Variants in NCOR1 observed in about 807,000 individuals in gnomAD.
NCOR1 encodes the protein nuclear receptor corepressor 1, also known as protein phosphatase 1, regulatory subunit 109.
Under a neutral mutation model 288.1 loss-of-function variants are expected in NCOR1, and 63 were observed. That is an observed-to-expected ratio of 0.22 (90% CI 0.18 to 0.27). The LOEUF is 0.27. Among genes scored for constraint, NCOR1 ranks in the 10% least tolerant of loss-of-function variants. NCOR1 has a pLI of 1.00. For missense variants in NCOR1, 2,397 were observed against 3,019.2 expected, an observed-to-expected ratio of 0.79 and a Z score of 4.83; for synonymous variants, 1,007 against 1,065.9, an observed-to-expected ratio of 0.94 and a Z score of 1.08.
intron 20 of NCOR1, among the ~76,000 whole-genome samples, chr17:16,100,654 A>C (rs948440903): frequency 6.6e-6 from 1 of 152,230 alleles, no homozygotes; most frequent in Admixed American, 6.5e-5. Context: ...AAGAAAAAAA[A>C]CTTGTAAATT....
intron 3 of NCOR1, among the ~76,000 whole-genome samples, chr17:16,182,854 G>C (rs1018794361): frequency 2.0e-5 from 3 of 151,732 alleles, no homozygotes; most frequent in African/African-American, 7.3e-5. Context: ...GAGAAGAAAA[G>C]AAATAAAAAT....
At chr17:16,075,931 T>C (rs900596083) in intron 26 of NCOR1, among the ~76,000 whole-genome samples, 4 of 152,238 alleles carry the variant, frequency 2.6e-5, no homozygotes, top group African/African-American at 7.2e-5. Flanking sequence ...GACACGTACA[T>C]TAGGTGAATC....
intron 42 of NCOR1, 142 bp downstream of exon 42, chr17:16,046,809 G>C: frequency 1.0e-6 from 1 of 966,038 alleles, no homozygotes. Flanking sequence ...GCAGACACTT[G>C]AGAAGGAACT....
At chr17:16,079,312 G>C (rs1335071104) in intron 26 of NCOR1, among the ~76,000 whole-genome samples, 2 of 152,170 alleles carry the variant, frequency 1.3e-5, no homozygotes, top group Non-Finnish European at 2.9e-5. Context: ...AAAAACTTGT[G>C]ACAATGAGTG....
chr17:16,039,720 G>T, intron 43 of NCOR1, 66 bp from the exon 44 acceptor site: 1 of 1,366,720 alleles, frequency 7.3e-7, no homozygotes, highest in Non-Finnish European at 1.0e-6. Context: ...AACATGCATT[G>T]CCCCATCAGC....
chr17:16,052,413 A>G (rs1420383446), intron 40 of NCOR1, among the ~76,000 whole-genome samples: 1 of 152,176 alleles, frequency 6.6e-6, no homozygotes, highest in Non-Finnish European at 1.5e-5. Context: ...CAGAAATGAC[A>G]AGGAATATTA....
chr17:16,047,580 G>A (rs188669315), intron 41 of NCOR1, among the ~76,000 whole-genome samples: 479 of 152,216 alleles, frequency 3.1e-3, no homozygotes, highest in Middle Eastern at 6.8e-3. Flanking sequence ...GAACACAACA[G>A]TATAGGAATA....
At chr17:16,158,923 A>T in intron 5 of NCOR1, 50 bp from the exon 6 acceptor site, 1 of 1,300,428 alleles carries the variant, frequency 7.7e-7, no homozygotes, top group Non-Finnish European at 1.1e-6. Flanking sequence ...CACCACACCC[A>T]GCAGTGATTA....
At chr17:16,186,441 T>C (rs2086697301) in intron 3 of NCOR1, 113 bp downstream of exon 3, 3 of 1,127,304 alleles carry the variant, frequency 2.7e-6, no homozygotes. Context: ...AAATGCAAAC[T>C]ATAAATGACC....
At chr17:16,096,302 T>TA (rs574295625) in intron 21 of NCOR1, among the ~76,000 whole-genome samples, 23 of 142,742 alleles carry the variant, frequency 1.6e-4, no homozygotes, top group Non-Finnish European at 1.7e-4. Flanking sequence ...GAATGATCAA[T>TA]AAAAAAAAAA....
chr17:16,066,378 G>C (rs1243585576), intron 32 of NCOR1, among the ~76,000 whole-genome samples: 1 of 152,116 alleles, frequency 6.6e-6, no homozygotes, highest in Non-Finnish European at 1.5e-5. Flanking sequence ...GCAACCCCTA[G>C]GTGAGAGAAT....
intron 1 of NCOR1, among the ~76,000 whole-genome samples, chr17:16,210,762 C>T (rs1330363577): frequency 1.4e-5 from 2 of 146,068 alleles, no homozygotes; most frequent in African/African-American, 5.5e-5. Context: ...CAGAGTCTCA[C>T]TCAGTCACCC....
chr17:16,039,717 A>G, intron 43 of NCOR1, 63 bp from the exon 44 acceptor site: 1 of 1,427,250 alleles, frequency 7.0e-7, no homozygotes, highest in Middle Eastern at 1.8e-4. Flanking sequence ...ACAAACATGC[A>G]TTGCCCCATC....
chr17:16,092,964 G>A (rs928559656), intron 21 of NCOR1, among the ~76,000 whole-genome samples: 10 of 151,130 alleles, frequency 6.6e-5, no homozygotes, highest in Admixed American at 1.3e-4. Context: ...TCAGCCTCCC[G>A]AAATGCTGGA....
chr17:16,142,472 C>T (rs2077291437), intron 11 of NCOR1, among the ~76,000 whole-genome samples: 1 of 151,974 alleles, frequency 6.6e-6, no homozygotes, highest in African/African-American at 2.4e-5. Context: ...ACTAGCAAAA[C>T]TCAGTCAATA....
chr17:16,126,356 A>G, intron 14 of NCOR1, 150 bp from the exon 15 acceptor site: 1 of 770,516 alleles, frequency 1.3e-6, no homozygotes, highest in Non-Finnish European at 1.9e-6. Flanking sequence ...ACCAGTCTAG[A>G]GGTTTTTAAT....
At chr17:16,124,158 T>A (rs2073560659) in intron 15 of NCOR1, among the ~76,000 whole-genome samples, 1 of 152,174 alleles carries the variant, frequency 6.6e-6, no homozygotes, top group Admixed American at 6.5e-5. Context: ...ACATGGCAAG[T>A]GACTAGCTAC....
At chr17:16,125,683 C>T (rs1330583574) in intron 15 of NCOR1, among the ~76,000 whole-genome samples, 1 of 117,478 alleles carries the variant, frequency 8.5e-6, no homozygotes, top group East Asian at 2.4e-4. Flanking sequence ...GCCTGGGCAA[C>T]AGAGCGAGAC....
chr17:16,161,665 T>C (rs962888159), intron 5 of NCOR1, among the ~76,000 whole-genome samples: 4 of 152,230 alleles, frequency 2.6e-5, no homozygotes, highest in African/African-American at 9.6e-5. Context: ...ATTGAAATTT[T>C]ATTGAAATTG....
Sources: gnomAD v4.1 joint callset for allele counts (sites outside exome capture counted in the v4.1 genomes callset) on GRCh38, gnomAD v4.1.1 for gene constraint, MANE v1.5 for transcripts, NCBI Gene and HGNC (gene_info 2026-07-23, HGNC 2026-07-21) for gene names.